PFKFB3: variants seen among roughly 807,000 people sequenced by gnomAD.
PFKFB3 encodes 6-phosphofructo-2-kinase/fructose-2,6-bisphosphatase 3.
A neutral mutation model predicts 68.0 loss-of-function variants in PFKFB3; 33 were observed. The ratio of observed to expected loss-of-function variants is 0.49; its 90% CI spans 0.37 to 0.65. The LOEUF (loss-of-function observed/expected upper bound fraction) is 0.65, where lower values mean the gene tolerates loss of function less well. Among genes scored for constraint, PFKFB3 ranks in the 30% least tolerant of loss-of-function variants. The pLI, the probability that PFKFB3 is intolerant of heterozygous loss-of-function variation, is 0.00. For synonymous variants in PFKFB3, 315 were observed against 288.2 expected (o/e 1.09, Z -0.94); for missense variants, 586 against 712.2 (o/e 0.82, Z 2.02).
At chr10:6,188,828 ATTTTT>A (rs35338599) in intron 1 of PFKFB3, among the ~76,000 whole-genome samples, 16,871 of 113,048 alleles carry the variant, frequency 0.15, 1,093 homozygotes, top group African/African-American at 0.19. Flanking sequence ...CTTCCTTTTA[ATTTTT>A]TTTTTTTTTT....
At chr10:6,182,708 C>T (rs1449237627) in intron 1 of PFKFB3, among the ~76,000 whole-genome samples, 2 of 152,202 alleles carry the variant, frequency 1.3e-5, no homozygotes, top group Non-Finnish European at 2.9e-5. Flanking sequence ...AGAATCAGAG[C>T]CTGGGTGTGG....
intron 1 of PFKFB3, among the ~76,000 whole-genome samples, chr10:6,151,434 C>G (rs1010696227): frequency 6.6e-6 from 1 of 152,178 alleles, no homozygotes; most frequent in Admixed American, 6.5e-5. Context: ...TGCCCCAGTC[C>G]TCGGCCAGAG....
chr10:6,169,491 A>G lies in PFKFB3; in HGVS notation c.16+24478A>G, dbSNP rs1428135750. On this transcript the variant is annotated intron_variant, in intron 1 of 14. Coordinates refer to the PFKFB3 transcript ENST00000379789. Reference sequence around the variant, plus strand: ...TCACCCATAAATGCAGAGTAGACCCACTTCCTCCAGGATATTTGACTGTGA... The same window carrying G: ...TCACCCATAAATGCAGAGTAGACCCGCTTCCTCCAGGATATTTGACTGTGA... Among the ~76,000 whole-genome samples the G allele has an allele frequency of 2.6e-5, 4 of 151,618 alleles. No homozygotes were observed. In the East Asian group the frequency reaches 5.8e-4, roughly 22 times the overall value.
At chr10:6,224,356 C>A in intron 13 of PFKFB3, 143 bp downstream of exon 13, 2 of 706,518 alleles carry the variant, frequency 2.8e-6, no homozygotes, top group Non-Finnish European at 4.9e-6. Context: ...CCTTCCTCAG[C>A]ACCTCTTTGT....
chr10:6,166,290 G>A (rs932546880), intron 1 of PFKFB3, among the ~76,000 whole-genome samples: 5 of 151,762 alleles, frequency 3.3e-5, no homozygotes, highest in South Asian at 4.2e-4. Context: ...ATGGGGTTTC[G>A]TCATTTTGGC....
intron 2 of PFKFB3, among the ~76,000 whole-genome samples, chr10:6,214,606 T>G (rs944670119): frequency 5.9e-5 from 9 of 152,188 alleles, no homozygotes; most frequent in African/African-American, 2.2e-4. Context: ...GGGATTGGGC[T>G]TCTAGTGAAC....
the PFKFB3 span, among the ~76,000 whole-genome samples, chr10:6,296,536 CA>C: frequency 6.6e-6 from 1 of 152,176 alleles, no homozygotes; most frequent in Non-Finnish European, 1.5e-5. Flanking sequence ...CAGTTGCTTA[CA>C]CTTATTGTGA....
chr10:6,208,369 GCC>G (rs1843930592), intron 1 of PFKFB3, among the ~76,000 whole-genome samples: 1 of 52,390 alleles, frequency 1.9e-5, no homozygotes, highest in Admixed American at 2.6e-4. Flanking sequence ...AGGGTACCTG[GCC>G]TTTTTTTTTT....
chr10:6,264,999 C>T, the PFKFB3 span, among the ~76,000 whole-genome samples: 7 of 152,146 alleles, frequency 4.6e-5, no homozygotes, highest in African/African-American at 7.2e-5. Flanking sequence ...TGGAGGTACA[C>T]GGTCTCATTC....
intron 8 of PFKFB3, among the ~76,000 whole-genome samples, chr10:6,221,172 C>G (rs947478): frequency 0.36 from 54,927 of 151,850 alleles, 11,164 homozygotes; most frequent in African/African-American, 0.56. Flanking sequence ...GTGATGTGTG[C>G]GCGGTTGTGC....
chr10:6,253,772 T>C (rs186074378), intron 14 of PFKFB3, among the ~76,000 whole-genome samples: 18 of 152,284 alleles, frequency 1.2e-4, no homozygotes, highest in African/African-American at 4.3e-4. Flanking sequence ...CTGGGCACGG[T>C]GGCTCACGCC....
At chr10:6,195,778 A>G (rs1843160242) in intron 1 of PFKFB3, among the ~76,000 whole-genome samples, 1 of 152,200 alleles carries the variant, frequency 6.6e-6, no homozygotes, top group Non-Finnish European at 1.5e-5. Context: ...AATTCGGGCT[A>G]CTGTCCTGGC....
chr10:6,226,622 G>A (rs990511253), intron 14 of PFKFB3, among the ~76,000 whole-genome samples: 5 of 152,200 alleles, frequency 3.3e-5, no homozygotes, highest in Admixed American at 6.5e-5. Context: ...CCGTGACTGC[G>A]TTCGCCTCCT....
chr10:6,232,808 C>A, intron 14 of PFKFB3, 87 bp from the exon 15 acceptor site: 1 of 1,020,002 alleles, frequency 9.8e-7, no homozygotes, highest in Non-Finnish European at 1.5e-6. Context: ...AAGAATTCTC[C>A]GTTGCATGGC....
At chr10:6,260,797 G>A in the PFKFB3 span, among the ~76,000 whole-genome samples, 3 of 151,960 alleles carry the variant, frequency 2.0e-5, no homozygotes, top group Admixed American at 1.3e-4. Context: ...ACTGTATTTG[G>A]TCATGTGTGT....
At position 6,220,036 on chromosome 10, in the gene PFKFB3, C is replaced by T. The variant is rs78640669; in HGVS notation, c.623+343C>T. Among the ~76,000 whole-genome samples the T allele has an allele frequency of 2.0e-5, 3 of 152,140 alleles. No homozygotes were observed. The highest frequency in any genetic ancestry group is 2.1e-4 in the South Asian group (1 of 4,832). ...GAGCCTGATTTTGCTACTGTCCCTC[C>T]GATAGTTCCTTTCTTTTTTCTTTCC... is the stretch of plus-strand genomic sequence containing the variant. On this transcript the variant is annotated intron_variant, in intron 7 of 14. Coordinates refer to ENST00000379775, the MANE Select transcript of PFKFB3 (RefSeq NM_004566.4). The surrounding 1 kb of genome is among the most constrained non-coding windows in gnomAD (Gnocchi z 4.1).
chr10:6,319,856 A>G, the PFKFB3 span, among the ~76,000 whole-genome samples: 1 of 152,170 alleles, frequency 6.6e-6, no homozygotes, highest in African/African-American at 2.4e-5. Flanking sequence ...CAAGAAATAA[A>G]CAACAAAACA....
chr10:6,244,693 A>G (rs2132076578), intron 14 of PFKFB3, among the ~76,000 whole-genome samples: 1 of 152,102 alleles, frequency 6.6e-6, no homozygotes, highest in African/African-American at 2.4e-5. Flanking sequence ...AGGATTAGGG[A>G]GGGATGAGAA....
At chr10:6,175,332 C>G (rs1004962576) in intron 1 of PFKFB3, among the ~76,000 whole-genome samples, 1 of 152,174 alleles carries the variant, frequency 6.6e-6, no homozygotes, top group Non-Finnish European at 1.5e-5. Context: ...GGGGCACTTT[C>G]AGGTACACAG....
Sources: gnomAD v4.1 joint callset for allele counts (sites outside exome capture counted in the v4.1 genomes callset) on GRCh38, gnomAD v4.1.1 for gene constraint, Gnocchi (gnomAD v3.1) non-coding constraint, MANE v1.5 for transcripts, NCBI Gene and HGNC (gene_info 2026-07-23, HGNC 2026-07-21) for gene names.